The following CCL17 variants were observed in gnomAD, a reference collection of about 807,000 sequenced individuals.
The protein encoded by CCL17 is C-C motif chemokine 17.
In CCL17, 8 loss-of-function variants were observed where a neutral mutation model predicts 7.4. The observed-to-expected ratio is 1.09, with a 90% CI of 0.64 to 1.96. The LOEUF is 1.96. Ranked by LOEUF, CCL17 falls within the 30% of genes most tolerant of loss-of-function variation. CCL17 has a pLI of 0.00. For synonymous variants in CCL17, 40 were observed against 46.1 expected, an observed-to-expected ratio of 0.87 and a Z score of 0.54; for missense variants, 102 against 113.0, an observed-to-expected ratio of 0.90 and a Z score of 0.44.
In CCL17 at chr16:57,413,772, G is replaced by T. The variant is rs557786281; in HGVS notation, c.-59-102G>T. 10 of 525,458 alleles carry T rather than the reference G, an allele frequency of 1.9e-5. No homozygotes were observed. The East Asian group carries it at 2.9e-4, about 15-fold the overall frequency. The allele number at this position is 525,458 out of a possible 1,614,324, so 32.5% of individuals were successfully genotyped here. A position where few individuals can be genotyped will look rare whatever the true frequency, so the allele number is the denominator to read the frequency against. On this transcript the variant is annotated intron_variant, in intron 1 of 3. Coordinates refer to ENST00000219244, the MANE Select transcript of CCL17 (RefSeq NM_002987.3). ...TCTCCTGAATCATCTCAAATTCTTC[G>T]AACTTCACTGGTCTAGGGAAGGATG...
chr16:57,414,789 GAC>G (rs1902841833), intron 2 of CCL17, among the ~76,000 whole-genome samples: 1 of 151,946 alleles, frequency 6.6e-6, no homozygotes, highest in Non-Finnish European at 1.5e-5. Context: ...GATGCACAGA[GAC>G]ACACACGTAG....
At chr16:57,397,761 T>C in the CCL17 span, among the ~76,000 whole-genome samples, 2 of 152,244 alleles carry the variant, frequency 1.3e-5, no homozygotes, top group African/African-American at 4.8e-5. Flanking sequence ...TTATTCTTTT[T>C]TTCCTTTCCC....
At chr16:57,396,254 A>T in the CCL17 span, among the ~76,000 whole-genome samples, 1 of 152,224 alleles carries the variant, frequency 6.6e-6, no homozygotes, top group Admixed American at 6.5e-5. Flanking sequence ...GGACTTAGGA[A>T]GACTAAGGTG....
chr16:57,408,952 C>T (rs1902743021), intron 1 of CCL17, among the ~76,000 whole-genome samples: 1 of 152,270 alleles, frequency 6.6e-6, no homozygotes, highest in South Asian at 2.1e-4. Flanking sequence ...TCAAGTGATC[C>T]ACCTGCCTCT....
intron 1 of CCL17, among the ~76,000 whole-genome samples, chr16:57,412,410 T>C (rs372234189): frequency 1.3e-5 from 2 of 152,196 alleles, no homozygotes. Flanking sequence ...ACCTAAGGAC[T>C]GATGAGGTTA....
upstream of CCL17, among the ~76,000 whole-genome samples, chr16:57,403,666 A>AT (rs200655027): frequency 3.3e-4 from 30 of 89,682 alleles, 1 homozygote; most frequent in African/African-American, 1.3e-3. Flanking sequence ...ATATATATAT[A>AT]TATTTTTTGA....
the CCL17 span, among the ~76,000 whole-genome samples, chr16:57,399,437 T>C: frequency 6.6e-6 from 1 of 152,048 alleles, no homozygotes; most frequent in Non-Finnish European, 1.5e-5. Context: ...ATTGACCTTC[T>C]TTTTTTTACT....
At chr16:57,403,411 ATATATTATAT>A, upstream of CCL17, among the ~76,000 whole-genome samples, 1 of 21,782 alleles carries the variant, frequency 4.6e-5, no homozygotes, top group Non-Finnish European at 6.6e-5. Context: ...ATTATAATAT[ATATATTATAT>A]TATAATATAT....
chr16:57,404,466 C>A (rs1000614522), upstream of CCL17, among the ~76,000 whole-genome samples: 1 of 151,822 alleles, frequency 6.6e-6, no homozygotes, highest in Non-Finnish European at 1.5e-5. Context: ...CCCTAGTAAC[C>A]GGAAGGAAGG....
At position 57,405,003 on chromosome 16, in the gene CCL17, A is replaced by G. The variant is rs142423018; in HGVS notation, c.-60+167A>G. ...TTTGGAAGCAGCAAACCAAGTCACA[A>G]AGTGAGGGGACGCACTGGCCCTCAA... On this transcript the variant is annotated intron_variant, in intron 1 of 3. Transcript: ENST00000219244. Among the ~76,000 whole-genome samples, 276 of 152,318 alleles carry G rather than the reference A, an allele frequency of 1.8e-3. 2 individuals are homozygous for G. The highest frequency in any genetic ancestry group is 6.5e-3 in the African/African-American group (271 of 41,562).
chr16:57,397,880 G>T, the CCL17 span, among the ~76,000 whole-genome samples: 1 of 152,150 alleles, frequency 6.6e-6, no homozygotes, highest in Non-Finnish European at 1.5e-5. Flanking sequence ...GGCATAACCT[G>T]CCCTTTGTAT....
intron 1 of CCL17, among the ~76,000 whole-genome samples, chr16:57,410,790 C>G (rs1473456198): frequency 6.6e-6 from 1 of 152,208 alleles, no homozygotes; most frequent in Non-Finnish European, 1.5e-5. Flanking sequence ...CTGAGGCACA[C>G]TGGGCCCTTT....
In CCL17 at chr16:57,415,190, T is replaced by C; in HGVS notation, c.180T>C (p.Asp60=). Residue 60 remains aspartate (D), a synonymous_variant, in exon 3 of 4, where the codon GAT becomes GAC. Coordinates refer to ENST00000219244, the MANE Select transcript of CCL17 (RefSeq NM_002987.3). This position sits in a 1 kb window ranked among gnomAD's most constrained non-coding sequence, Gnocchi z 4.5. ...AGACATCTGAGGACTGCTCCAGGGA[T>C]GCCATCGTGTAAGTCCCCCTGGCTC... ...WYQTSEDCSR[D]AIVFVTVQGR... 1.2e-6 allele frequency: 2 copies of C among 1,603,952 alleles called. No homozygotes were observed. The highest frequency in any genetic ancestry group is 1.7e-5 in the Admixed American group (1 of 60,024).
chr16:57,403,128 TAA>T (rs1902617088), upstream of CCL17, among the ~76,000 whole-genome samples: 4 of 104,524 alleles, frequency 3.8e-5, no homozygotes, highest in African/African-American at 1.5e-4. Context: ...ATAATATATA[TAA>T]TATATATTAT....
At chr16:57,410,909 G>A (rs753234760) in intron 1 of CCL17, among the ~76,000 whole-genome samples, 1 of 152,188 alleles carries the variant, frequency 6.6e-6, no homozygotes, top group Non-Finnish European at 1.5e-5. Context: ...TGCCCACGGC[G>A]CGGGGCAAGG....
At chr16:57,408,942 T>G (rs2003473) in intron 1 of CCL17, among the ~76,000 whole-genome samples, 6,495 of 152,178 alleles carry the variant, frequency 0.043, 180 homozygotes, top group Middle Eastern at 0.085. Flanking sequence ...ACTCCTGGGC[T>G]CAAGTGATCC....
chr16:57,403,823 A>G (rs950591288), upstream of CCL17, among the ~76,000 whole-genome samples: 3 of 147,786 alleles, frequency 2.0e-5, no homozygotes, highest in Non-Finnish European at 4.4e-5. Flanking sequence ...CGCTCAGCTG[A>G]TTTTTGTATT....
upstream of CCL17, chr16:57,404,631 G>A (rs187539169): frequency 3.1e-3 from 473 of 152,570 alleles, 2 homozygotes; most frequent in Middle Eastern, 0.037. Flanking sequence ...CTTGGGAGTG[G>A]TTGGCATATA....
intron 1 of CCL17, among the ~76,000 whole-genome samples, chr16:57,413,180 C>T (rs1486537853): frequency 6.6e-6 from 1 of 152,206 alleles, no homozygotes; most frequent in Non-Finnish European, 1.5e-5. Context: ...ACGTGGTTTC[C>T]TGAGCTATTT....
Sources: allele counts gnomAD v4.1 joint callset (sites outside exome capture counted in the v4.1 genomes callset), GRCh38; gene constraint gnomAD v4.1.1; non-coding constraint Gnocchi (gnomAD v3.1); transcripts MANE v1.5; gene names NCBI Gene and HGNC (gene_info 2026-07-23, HGNC 2026-07-21).